GPRC6A: variants seen among roughly 807,000 people sequenced by gnomAD.
GPRC6A encodes G protein-coupled receptor family C group 6 member A.
In GPRC6A, 54 loss-of-function variants were observed where a neutral mutation model predicts 47.0. The ratio of observed to expected loss-of-function variants is 1.15; its 90% CI spans 0.92 to 1.44. GPRC6A has a LOEUF of 1.44. Ranked by LOEUF, GPRC6A falls within the 40% of genes most tolerant of loss-of-function variation. The pLI, the probability that GPRC6A is intolerant of heterozygous loss-of-function variation, is 0.00. For missense variants in GPRC6A, 1,112 were observed against 1,105.5 expected (o/e 1.01, Z -0.08); for synonymous variants, 347 against 377.1 (o/e 0.92, Z 0.93).
At chr6:116,817,096 A>T (rs1210467843) in intron 1 of GPRC6A, among the ~76,000 whole-genome samples, 1 of 152,058 alleles carries the variant, frequency 6.6e-6, no homozygotes, top group Non-Finnish European at 1.5e-5. Flanking sequence ...GCACAGACAA[A>T]CAAAAAGACA....
At chr6:116,807,496 AGGGTG>A (rs1243320439) in intron 2 of GPRC6A, among the ~76,000 whole-genome samples, 10 of 152,146 alleles carry the variant, frequency 6.6e-5, no homozygotes, top group African/African-American at 2.2e-4. Context: ...CCAGGGGCCA[AGGGTG>A]GATATTATTT....
In GPRC6A at chr6:116,792,541, A is replaced by C. The variant is rs752145272; in HGVS notation, c.2382T>G (p.Ala794=). The change falls in exon 6 of 6, where the codon GCT becomes GCG. Residue 794 remains alanine (A), a synonymous_variant. Coordinates refer to ENST00000310357, the MANE Select transcript of GPRC6A (RefSeq NM_148963.4). ...CATAGATAGGGATGAATGTGATCCA[A>C]GCTATGAAGTAAATGAGCATGCCAA... ...ITFGMLIYFI[A]WITFIPIYAT... is the part of the protein sequence containing the mutation. 1.2e-6 allele frequency: 2 copies of C among 1,613,422 alleles called. No individual in the cohort carries two copies.
chr6:116,816,045 G>A (rs1773194923), intron 1 of GPRC6A, among the ~76,000 whole-genome samples: 3 of 152,304 alleles, frequency 2.0e-5, no homozygotes, highest in Admixed American at 2.0e-4. Context: ...CAGAGCAAAA[G>A]GAAGAAAGAG....
At chr6:116,812,306 T>C (rs1773052980) in intron 1 of GPRC6A, among the ~76,000 whole-genome samples, 1 of 152,146 alleles carries the variant, frequency 6.6e-6, no homozygotes, top group South Asian at 2.1e-4. Flanking sequence ...AATAAAGTTG[T>C]TCCTAGAGAA....
In GPRC6A at chr6:116,821,055, TAC is replaced by T. The variant is rs1773455891; in HGVS notation, c.194+7763_194+7764del. Among the ~76,000 whole-genome samples, 3 of 149,406 alleles carry T rather than the reference TAC, an allele frequency of 2.0e-5. No individual in the cohort carries two copies. The South Asian group carries it at 6.4e-4, about 32-fold the overall frequency. ...TGTACAAAAATCACAAGCATTCTTA[TAC>T]ACCAACAACAGACAAACAGAGAGCC... On this transcript the variant is annotated intron_variant, in intron 1 of 5. Coordinates refer to ENST00000310357, the MANE Select transcript of GPRC6A (RefSeq NM_148963.4).
intron 1 of GPRC6A, among the ~76,000 whole-genome samples, chr6:116,821,951 A>G (rs1773500515): frequency 6.7e-6 from 1 of 148,836 alleles, no homozygotes; most frequent in Admixed American, 6.7e-5. Flanking sequence ...AAATTTTCAC[A>G]ACCTACTCAT....
intron 4 of GPRC6A, among the ~76,000 whole-genome samples, chr6:116,797,448 T>C (rs1367313865): frequency 6.6e-6 from 1 of 152,186 alleles, no homozygotes; most frequent in Non-Finnish European, 1.5e-5. Context: ...ACCAGAAATG[T>C]CAATACCCTA....
At chr6:116,797,987 G>A (rs1056255223) in intron 4 of GPRC6A, among the ~76,000 whole-genome samples, 1 of 152,290 alleles carries the variant, frequency 6.6e-6, no homozygotes, top group East Asian at 1.9e-4. Context: ...GCATTACTGT[G>A]TTCATTCTTT....
chr6:116,792,548 A>G lies in GPRC6A; in HGVS notation c.2375T>C (p.Phe792Ser). The change falls in exon 6 of 6, where the codon TTC (phenylalanine) becomes TCC (serine). Residue 792 changes from phenylalanine (F) to serine (S), a missense_variant. By Grantham distance (155) the Phe-to-Ser change is radical. Transcript: ENST00000310357. ...AGGGATGAATGTGATCCAAGCTATG[A>G]AGTAAATGAGCATGCCAAATGTAAT... is the stretch of plus-strand genomic sequence containing the variant. ...KFITFGMLIY[F>S]IAWITFIPIY... The G allele has an allele frequency of 6.2e-7, 1 of 1,613,166 alleles. No individual in the cohort carries two copies. The highest frequency in any genetic ancestry group is 2.2e-5 in the East Asian group (1 of 44,856).
intron 1 of GPRC6A, among the ~76,000 whole-genome samples, chr6:116,812,844 T>C (rs949082759): frequency 6.6e-6 from 1 of 152,204 alleles, no homozygotes; most frequent in Non-Finnish European, 1.5e-5. Context: ...GACATGACTG[T>C]ATGTTTAGAA....
At chr6:116,828,648 G>A (rs149582997) in intron 1 of GPRC6A, among the ~76,000 whole-genome samples, 172 bp downstream of exon 1, 131 of 152,088 alleles carry the variant, frequency 8.6e-4, no homozygotes, top group African/African-American at 3.1e-3. Flanking sequence ...TACATAGAGG[G>A]CTGTTATAGC....
intron 1 of GPRC6A, among the ~76,000 whole-genome samples, chr6:116,810,952 G>A (rs921662872): frequency 2.0e-5 from 3 of 152,040 alleles, no homozygotes; most frequent in African/African-American, 4.8e-5. Flanking sequence ...TGGTTCCATG[G>A]CTTCCACTAT....
chr6:116,796,222 T>C (rs1172228489), intron 4 of GPRC6A, among the ~76,000 whole-genome samples: 4 of 152,034 alleles, frequency 2.6e-5, no homozygotes, highest in Admixed American at 2.0e-4. Flanking sequence ...ATTTTTATAA[T>C]CTTTGAAAGA....
At chr6:116,810,096 T>C (rs916932146) in intron 1 of GPRC6A, among the ~76,000 whole-genome samples, 4 of 152,174 alleles carry the variant, frequency 2.6e-5, no homozygotes, top group Admixed American at 2.6e-4. Flanking sequence ...GTGTCTTATT[T>C]TAGTTCTGAG....
chr6:116,818,263 G>A (rs77568013), intron 1 of GPRC6A, among the ~76,000 whole-genome samples: 35 of 151,826 alleles, frequency 2.3e-4, no homozygotes, highest in African/African-American at 7.0e-4. Context: ...GGCCGGGCGC[G>A]GTGGCTCACG....
At chr6:116,821,552 G>T (rs1263443578) in intron 1 of GPRC6A, among the ~76,000 whole-genome samples, 1 of 151,962 alleles carries the variant, frequency 6.6e-6, no homozygotes, top group African/African-American at 2.4e-5. Flanking sequence ...CAGAAATAAC[G>T]TCACATATCT....
At chr6:116,812,344 T>A (rs936067347) in intron 1 of GPRC6A, among the ~76,000 whole-genome samples, 1 of 152,134 alleles carries the variant, frequency 6.6e-6, no homozygotes, top group East Asian at 1.9e-4. Context: ...TCAGCACCAC[T>A]AGACTGGCCC....
At chr6:116,825,577 A>C (rs1773653459) in intron 1 of GPRC6A, among the ~76,000 whole-genome samples, 2 of 152,034 alleles carry the variant, frequency 1.3e-5, no homozygotes, top group South Asian at 4.1e-4. Context: ...AACACAAATA[A>C]ATGGAGAGAC....
chr6:116,826,865 C>T (rs1773695671), intron 1 of GPRC6A, among the ~76,000 whole-genome samples: 1 of 151,644 alleles, frequency 6.6e-6, no homozygotes, highest in South Asian at 2.1e-4. Flanking sequence ...AGTACTCAGC[C>T]ATAAAAAAAG....
Sources: allele counts gnomAD v4.1 joint callset (sites outside exome capture counted in the v4.1 genomes callset), GRCh38; gene constraint gnomAD v4.1.1; transcripts MANE v1.5; gene names NCBI Gene and HGNC (gene_info 2026-07-23, HGNC 2026-07-21).